Variants in SHISA9 observed in about 807,000 individuals in gnomAD.
SHISA9 encodes the protein protein shisa-9.
Under a neutral mutation model 38.0 loss-of-function variants are expected in SHISA9, and 13 were observed. The observed-to-expected ratio is 0.34, with a 90% CI of 0.22 to 0.54. SHISA9 has a LOEUF of 0.54. SHISA9 is among the 20% of genes least tolerant of loss of function. The pLI, the probability that SHISA9 is intolerant of heterozygous loss-of-function variation, is 0.91. For synonymous variants in SHISA9, 275 were observed against 242.0 expected, an observed-to-expected ratio of 1.14 and a Z score of -1.27; for missense variants, 538 against 575.8, an observed-to-expected ratio of 0.93 and a Z score of 0.67.
At chr16:13,059,571 T>C (rs2073350860) in intron 2 of SHISA9, among the ~76,000 whole-genome samples, 1 of 151,224 alleles carries the variant, frequency 6.6e-6, no homozygotes, top group Non-Finnish European at 1.5e-5. Flanking sequence ...ATGCGGGGGG[T>C]CTTCATACCT....
the SHISA9 span, among the ~76,000 whole-genome samples, chr16:13,493,831 G>T: frequency 6.6e-6 from 1 of 152,172 alleles, no homozygotes; most frequent in Non-Finnish European, 1.5e-5. Context: ...AGACACAGAA[G>T]GTCTCAAAGG....
At chr16:12,932,562 A>G (rs1351773659) in intron 2 of SHISA9, among the ~76,000 whole-genome samples, 1 of 151,868 alleles carries the variant, frequency 6.6e-6, no homozygotes, top group Admixed American at 6.6e-5. Flanking sequence ...GCTGGTCTCG[A>G]GAACTCCTGA....
At chr16:13,190,117 ATGTGCACGT>A (rs2050869056) in intron 2 of SHISA9, among the ~76,000 whole-genome samples, 1 of 150,296 alleles carries the variant, frequency 6.7e-6, no homozygotes, top group African/African-American at 2.5e-5. Context: ...TTTAGGGTAC[ATGTGCACGT>A]TGTGCAGGTT....
chr16:13,386,591 A>T, the SHISA9 span, among the ~76,000 whole-genome samples: 1 of 152,230 alleles, frequency 6.6e-6, no homozygotes, highest in Non-Finnish European at 1.5e-5. Flanking sequence ...GGCACGTACT[A>T]AATTCTCGAT....
chr16:13,104,508 A>ATGG (rs1244282498), intron 2 of SHISA9, among the ~76,000 whole-genome samples: 2 of 152,250 alleles, frequency 1.3e-5, no homozygotes, highest in Non-Finnish European at 2.9e-5. Flanking sequence ...AATGGAATAT[A>ATGG]ATTCAGCAAT....
the SHISA9 span, among the ~76,000 whole-genome samples, chr16:13,319,333 G>A: frequency 6.6e-6 from 1 of 152,162 alleles, no homozygotes; most frequent in Non-Finnish European, 1.5e-5. Flanking sequence ...TTTACAAAAT[G>A]ATCTCAACCG....
the SHISA9 span, among the ~76,000 whole-genome samples, chr16:13,435,877 A>T: frequency 6.6e-6 from 1 of 152,172 alleles, no homozygotes; most frequent in Non-Finnish European, 1.5e-5. Context: ...AAGGTGAGGG[A>T]ATCAGGTTTC....
the SHISA9 span, among the ~76,000 whole-genome samples, chr16:13,529,289 G>A: frequency 6.6e-6 from 1 of 152,224 alleles, no homozygotes; most frequent in South Asian, 2.1e-4. Context: ...ACTGTGTCTT[G>A]ATCTTGCAAC....
At position 13,235,707 on chromosome 16, in the gene SHISA9, C is replaced by T. The variant is rs1382648541; in HGVS notation, c.*298C>T. ...AGATGGCCAACTCACATGCCCAAACCGTGGGGCTGAGTTTTCTTTTCCTCC... is the reference window on the plus strand; with the variant it reads ...AGATGGCCAACTCACATGCCCAAACTGTGGGGCTGAGTTTTCTTTTCCTCC... On this transcript the variant is annotated 3_prime_UTR_variant, in exon 5 of 5. Transcript: ENST00000558583. 1.7e-5 allele frequency: 6 copies of T among 355,784 alleles called. No individual in the cohort carries two copies. The highest frequency in any genetic ancestry group is 6.3e-5 in the African/African-American group (3 of 47,856). The allele number at this position is 355,784 out of a possible 1,614,324, so 22.0% of individuals were successfully genotyped here. A position where few individuals can be genotyped will look rare whatever the true frequency, so the allele number is the denominator to read the frequency against.
the SHISA9 span, among the ~76,000 whole-genome samples, chr16:13,411,978 G>A: frequency 6.6e-6 from 1 of 151,840 alleles, no homozygotes; most frequent in African/African-American, 2.4e-5. Flanking sequence ...TAGTCAGCAG[G>A]TGTGAAAAAA....
chr16:13,061,200 T>C (rs1430249740), intron 2 of SHISA9, among the ~76,000 whole-genome samples: 1 of 152,222 alleles, frequency 6.6e-6, no homozygotes, highest in Non-Finnish European at 1.5e-5. Context: ...AGGCAAGACC[T>C]ACTAGAATAG....
chr16:13,203,713 C>G (rs1156839078), intron 3 of SHISA9, among the ~76,000 whole-genome samples, 164 bp downstream of exon 3: 1 of 152,076 alleles, frequency 6.6e-6, no homozygotes, highest in East Asian at 1.9e-4. Context: ...TGTTCTCTCT[C>G]TGTCTATAAA....
chr16:13,183,454 G>A (rs879353595), intron 2 of SHISA9, among the ~76,000 whole-genome samples: 2 of 152,250 alleles, frequency 1.3e-5, no homozygotes, highest in Non-Finnish European at 2.9e-5. Flanking sequence ...TTCTGCTCCA[G>A]CTTCGCTGAT....
chr16:12,964,211 G>A (rs984188908), intron 2 of SHISA9, among the ~76,000 whole-genome samples: 3 of 152,170 alleles, frequency 2.0e-5, no homozygotes, highest in African/African-American at 7.2e-5. Context: ...GATCTTGAAG[G>A]AAACAAGAAT....
At chr16:13,203,738 T>G (rs2142055317) in intron 3 of SHISA9, among the ~76,000 whole-genome samples, 189 bp downstream of exon 3, 1 of 152,308 alleles carries the variant, frequency 6.6e-6, no homozygotes, top group Middle Eastern at 3.4e-3. Context: ...TATATCTATA[T>G]ATCTATCTAT....
the SHISA9 span, among the ~76,000 whole-genome samples, chr16:13,467,323 T>TC: frequency 1.3e-5 from 2 of 152,108 alleles, no homozygotes; most frequent in South Asian, 4.1e-4. Flanking sequence ...TTTTTCCCAC[T>TC]CCCCCAGAGC....
chr16:13,496,824 C>T, the SHISA9 span, among the ~76,000 whole-genome samples: 3 of 152,064 alleles, frequency 2.0e-5, no homozygotes, highest in African/African-American at 7.2e-5. Context: ...TACACACACA[C>T]GATCTTGGCC....
chr16:13,034,823 G>A (rs1177269871), intron 2 of SHISA9, among the ~76,000 whole-genome samples: 1 of 152,162 alleles, frequency 6.6e-6, no homozygotes, highest in Non-Finnish European at 1.5e-5. Context: ...AAGGAGGAGA[G>A]ACATGTGAAA....
intron 2 of SHISA9, among the ~76,000 whole-genome samples, chr16:13,199,319 G>T (rs2050981542): frequency 6.6e-6 from 1 of 152,186 alleles, no homozygotes; most frequent in South Asian, 2.1e-4. Flanking sequence ...CCTTGGGCAC[G>T]CTCTATGCAC....
Sources: allele counts gnomAD v4.1 joint callset (sites outside exome capture counted in the v4.1 genomes callset), GRCh38; gene constraint gnomAD v4.1.1; transcripts MANE v1.5; gene names NCBI Gene and HGNC (gene_info 2026-07-23, HGNC 2026-07-21).